The following NRG3 variants were observed in gnomAD, a reference collection of about 807,000 sequenced individuals.
The protein encoded by NRG3 is pro-neuregulin-3, membrane-bound isoform.
In NRG3, 31 loss-of-function variants were observed where a neutral mutation model predicts 66.9. The ratio of observed to expected loss-of-function variants is 0.46; its 90% CI spans 0.35 to 0.63. NRG3 has a LOEUF of 0.63. Ranked by LOEUF, NRG3 falls within the 20% of genes least tolerant of loss-of-function variation. The pLI is 0.00. For synonymous variants in NRG3, 393 were observed against 359.4 expected (o/e 1.09, Z -1.06); for missense variants, 910 against 878.9 (o/e 1.04, Z -0.45).
At chr10:82,161,428 T>C (rs954449702) in intron 1 of NRG3, among the ~76,000 whole-genome samples, 12 of 152,080 alleles carry the variant, frequency 7.9e-5, no homozygotes, top group African/African-American at 2.7e-4. Context: ...GGGCAAGTGG[T>C]CCATTAAATA....
chr10:82,160,678 A>G (rs1033818160), intron 1 of NRG3, among the ~76,000 whole-genome samples: 2 of 152,026 alleles, frequency 1.3e-5, no homozygotes, highest in Admixed American at 1.3e-4. Flanking sequence ...CTCAGGGAAT[A>G]GCAAAGTATT....
chr10:82,676,495 T>G (rs547848407), intron 2 of NRG3, among the ~76,000 whole-genome samples: 2 of 152,258 alleles, frequency 1.3e-5, no homozygotes, highest in South Asian at 2.1e-4. Context: ...TTTGTTTGTT[T>G]TTTTTCAAGA....
At chr10:82,536,565 T>A (rs1382011684) in intron 2 of NRG3, among the ~76,000 whole-genome samples, 1 of 152,210 alleles carries the variant, frequency 6.6e-6, no homozygotes, top group African/African-American at 2.4e-5. Flanking sequence ...GTACTCATTT[T>A]ACAAGTGGTT....
At chr10:82,345,089 TG>T (rs1179678013) in intron 1 of NRG3, among the ~76,000 whole-genome samples, 1 of 123,034 alleles carries the variant, frequency 8.1e-6, no homozygotes, top group Non-Finnish European at 1.5e-5. Flanking sequence ...TTGTCAATTT[TG>T]GCTTTTGTTG....
At chr10:82,904,593 A>G (rs1478285067) in intron 4 of NRG3, among the ~76,000 whole-genome samples, 1 of 152,200 alleles carries the variant, frequency 6.6e-6, no homozygotes, top group Admixed American at 6.5e-5. Context: ...TATCATGGGA[A>G]ACAGAAACTA....
At chr10:82,603,224 A>T (rs1590838794) in intron 2 of NRG3, among the ~76,000 whole-genome samples, 1 of 152,260 alleles carries the variant, frequency 6.6e-6, no homozygotes, top group East Asian at 1.9e-4. Flanking sequence ...GGCTAGCTTG[A>T]GGTGTCATTG....
chr10:82,455,255 A>G (rs1382666404), intron 2 of NRG3, among the ~76,000 whole-genome samples: 1 of 152,220 alleles, frequency 6.6e-6, no homozygotes, highest in African/African-American at 2.4e-5. Context: ...GTGTTGTGCA[A>G]ACGTCATAGT....
chr10:82,152,464 G>A (rs1374288430), intron 1 of NRG3, among the ~76,000 whole-genome samples: 1 of 152,144 alleles, frequency 6.6e-6, no homozygotes, highest in Non-Finnish European at 1.5e-5. Context: ...ATTGATGACA[G>A]ATCTGGGGCA....
chr10:82,005,625 A>T (rs2061348878), intron 1 of NRG3, among the ~76,000 whole-genome samples: 1 of 152,166 alleles, frequency 6.6e-6, no homozygotes, highest in African/African-American at 2.4e-5. Flanking sequence ...TAAAGTTACC[A>T]TCCTTTTTTC....
chr10:82,023,142 C>T (rs1411374823), intron 1 of NRG3, among the ~76,000 whole-genome samples: 1 of 151,334 alleles, frequency 6.6e-6, no homozygotes. Context: ...TGATTGCTCT[C>T]TTGATTTCTT....
chr10:82,278,555 C>T (rs74146548), intron 1 of NRG3, among the ~76,000 whole-genome samples: 2,607 of 152,102 alleles, frequency 0.017, 78 homozygotes, highest in African/African-American at 0.059. Context: ...CGTCGAGGTT[C>T]GTGCAAACAG....
intron 1 of NRG3, among the ~76,000 whole-genome samples, chr10:82,316,346 C>CAATTTGT (rs921696508): frequency 6.6e-6 from 1 of 152,108 alleles, no homozygotes; most frequent in Non-Finnish European, 1.5e-5. Context: ...ATTAAGTATA[C>CAATTTGT]AATTTGTTTT....
chr10:82,642,406 A>G (rs2050646372), intron 2 of NRG3, among the ~76,000 whole-genome samples: 1 of 152,234 alleles, frequency 6.6e-6, no homozygotes, highest in Admixed American at 6.5e-5. Flanking sequence ...TCAATAAAAC[A>G]GAGTACAACT....
intron 3 of NRG3, among the ~76,000 whole-genome samples, chr10:82,815,486 A>C (rs182447558): frequency 6.6e-6 from 1 of 152,272 alleles, no homozygotes; most frequent in Admixed American, 6.5e-5. Flanking sequence ...AATTTCCTCA[A>C]AAATTTTCTC....
chr10:82,903,039 C>T (rs1844383112), intron 4 of NRG3, among the ~76,000 whole-genome samples: 1 of 151,544 alleles, frequency 6.6e-6, no homozygotes, highest in Non-Finnish European at 1.5e-5. Flanking sequence ...TCATTAACTA[C>T]CATAAAATAT....
intron 4 of NRG3, among the ~76,000 whole-genome samples, chr10:82,886,797 T>C (rs1842759181): frequency 6.6e-6 from 1 of 152,214 alleles, no homozygotes; most frequent in South Asian, 2.1e-4. Flanking sequence ...CTACTAGGCA[T>C]AGTCTTATCA....
At chr10:81,938,629 G>T (rs1848116911) in intron 1 of NRG3, among the ~76,000 whole-genome samples, 1 of 150,988 alleles carries the variant, frequency 6.6e-6, no homozygotes, top group Non-Finnish European at 1.5e-5. Flanking sequence ...GTGTGTGTGT[G>T]TGTGTGTGTG....
At chr10:82,518,168 T>C (rs899366553) in intron 2 of NRG3, among the ~76,000 whole-genome samples, 5 of 152,198 alleles carry the variant, frequency 3.3e-5, no homozygotes, top group Admixed American at 3.3e-4. Flanking sequence ...TACCTAAAAG[T>C]GTACCTAGCA....
At chr10:82,620,680 A>C (rs1331705311) in intron 2 of NRG3, among the ~76,000 whole-genome samples, 1 of 152,184 alleles carries the variant, frequency 6.6e-6, no homozygotes, top group Non-Finnish European at 1.5e-5. Flanking sequence ...AGAAAGAATC[A>C]GGAGAGAATG....
Sources: allele counts gnomAD v4.1 joint callset (sites outside exome capture counted in the v4.1 genomes callset), GRCh38; gene constraint gnomAD v4.1.1; transcripts MANE v1.5; gene names NCBI Gene and HGNC (gene_info 2026-07-23, HGNC 2026-07-21).